Variants in CSMD1 observed in about 807,000 individuals in gnomAD.
CSMD1 encodes CUB and sushi domain-containing protein 1.
Under a neutral mutation model 417.5 loss-of-function variants are expected in CSMD1, and 213 were observed. The observed-to-expected ratio is 0.51, with a 90% CI of 0.46 to 0.57. The LOEUF is 0.57. CSMD1 is among the 20% of genes least tolerant of loss of function. The pLI, the probability that CSMD1 is intolerant of heterozygous loss-of-function variation, is 0.00. For synonymous variants in CSMD1, 2,862 were observed against 1,736.8 expected, an observed-to-expected ratio of 1.65 and a Z score of -16.11; for missense variants, 6,923 against 4,529.7, an observed-to-expected ratio of 1.53 and a Z score of -15.17.
intron 33 of CSMD1, among the ~76,000 whole-genome samples, chr8:3,197,623 G>T (rs6558732): frequency 6.6e-6 from 1 of 151,088 alleles, no homozygotes; most frequent in African/African-American, 2.4e-5. Flanking sequence ...CCGCCACCAC[G>T]CCCGGCTAAT....
chr8:3,692,290 T>C (rs529922055), intron 7 of CSMD1, among the ~76,000 whole-genome samples: 2 of 152,084 alleles, frequency 1.3e-5, no homozygotes, highest in African/African-American at 2.4e-5. Context: ...ACAATTTGTA[T>C]ACACCCCACT....
At chr8:3,682,300 AG>A in intron 7 of CSMD1, among the ~76,000 whole-genome samples, 1 of 152,320 alleles carries the variant, frequency 6.6e-6, no homozygotes, top group Non-Finnish European at 1.5e-5. Flanking sequence ...CATCTGACAA[AG>A]GGCTAATATC....
chr8:4,238,041 G>C (rs1488476114), intron 3 of CSMD1, among the ~76,000 whole-genome samples: 1 of 152,110 alleles, frequency 6.6e-6, no homozygotes, highest in East Asian at 1.9e-4. Flanking sequence ...CCAGCACGTT[G>C]CTTAGTTTTT....
chr8:3,422,179 TATTTTC>T (rs1813533925), intron 12 of CSMD1, among the ~76,000 whole-genome samples: 1 of 152,202 alleles, frequency 6.6e-6, no homozygotes, highest in South Asian at 2.1e-4. Flanking sequence ...TAGTTTCACT[TATTTTC>T]AGTCTTGTTG....
At chr8:3,280,668 A>G (rs1402317184) in intron 26 of CSMD1, among the ~76,000 whole-genome samples, 1 of 152,182 alleles carries the variant, frequency 6.6e-6, no homozygotes, top group Non-Finnish European at 1.5e-5. Flanking sequence ...TTTTACGTAT[A>G]AAAATGACAA....
chr8:4,788,973 C>A (rs546297237), intron 1 of CSMD1, among the ~76,000 whole-genome samples: 1 of 152,120 alleles, frequency 6.6e-6, no homozygotes. Flanking sequence ...TGAGATCAGA[C>A]AGCACTTAAA....
intron 3 of CSMD1, among the ~76,000 whole-genome samples, chr8:4,342,328 G>T (rs1200871097): frequency 6.6e-6 from 1 of 151,870 alleles, no homozygotes; most frequent in African/African-American, 2.4e-5. Context: ...TAAAACATAG[G>T]TATTACACAC....
At chr8:3,932,078 T>C (rs536913440) in intron 5 of CSMD1, among the ~76,000 whole-genome samples, 4 of 150,498 alleles carry the variant, frequency 2.7e-5, no homozygotes, top group Non-Finnish European at 4.4e-5. Context: ...AACATATCTA[T>C]TGGAATGACA....
At position 4,464,267 on chromosome 8, in the gene CSMD1, T is replaced by G. The variant is rs1217661; in HGVS notation, c.303-44202A>C. Among the ~76,000 whole-genome samples, 1,369 of 152,110 alleles carry G rather than the reference T, an allele frequency of 9.0e-3. 19 individuals carry two copies. The highest frequency in any genetic ancestry group is 0.031 in the African/African-American group (1,305 of 41,510). ...TTAACATCTTCCTGCAGTGATTGTA[T>G]GAAGCACAGGGCATTATTATGTATG... On this transcript the variant is annotated intron_variant, in intron 2 of 69. Coordinates refer to ENST00000635120, the MANE Select transcript of CSMD1 (RefSeq NM_033225.6).
intron 8 of CSMD1, among the ~76,000 whole-genome samples, chr8:3,608,785 C>T (rs943422063): frequency 4.8e-5 from 7 of 145,078 alleles, no homozygotes; most frequent in Admixed American, 1.4e-4. Context: ...AAAATCATAA[C>T]GTCCAGCAGT....
chr8:4,613,869 A>G (rs1190444099), intron 2 of CSMD1, among the ~76,000 whole-genome samples: 4 of 151,720 alleles, frequency 2.6e-5, no homozygotes, highest in East Asian at 1.9e-4. Flanking sequence ...CCAAAAAAAA[A>G]AAAAAAAGAA....
chr8:3,276,582 C>G lies in CSMD1; in HGVS notation c.4153+7562G>C, dbSNP rs566138078. 7.9e-5 allele frequency among the ~76,000 whole-genome samples: 12 copies of G among 152,132 alleles called. No homozygotes were observed. The East Asian group carries it at 2.3e-3, about 29-fold the overall frequency. ...TTCGATTACCTCCCACTGGGTCCCT[C>G]CCATGATACGTGGGAATTGTGGGAG... On this transcript the variant is annotated intron_variant, in intron 26 of 69. Coordinates refer to ENST00000635120, the MANE Select transcript of CSMD1 (RefSeq NM_033225.6).
At chr8:3,966,893 A>C (rs1812713696) in intron 5 of CSMD1, among the ~76,000 whole-genome samples, 1 of 152,254 alleles carries the variant, frequency 6.6e-6, no homozygotes, top group African/African-American at 2.4e-5. Flanking sequence ...TCAGATTTTC[A>C]GTATGACTTG....
At chr8:3,484,091 A>C (rs1817890366) in intron 11 of CSMD1, among the ~76,000 whole-genome samples, 1 of 152,186 alleles carries the variant, frequency 6.6e-6, no homozygotes, top group Admixed American at 6.5e-5. Flanking sequence ...TGGTACTCTC[A>C]AACTTATATA....
chr8:3,355,785 T>C (rs1347724136), intron 21 of CSMD1, among the ~76,000 whole-genome samples: 1 of 152,126 alleles, frequency 6.6e-6, no homozygotes, highest in African/African-American at 2.4e-5. Context: ...ACCAATAAAC[T>C]TTCATTTTGA....
At chr8:4,974,490 G>A (rs117950342) in intron 1 of CSMD1, among the ~76,000 whole-genome samples, 10 of 147,932 alleles carry the variant, frequency 6.8e-5, no homozygotes, top group African/African-American at 2.5e-4. Flanking sequence ...TGTTGATGGA[G>A]AATGATCATT....
intron 1 of CSMD1, among the ~76,000 whole-genome samples, chr8:4,868,096 A>C (rs953372832): frequency 2.6e-5 from 4 of 152,048 alleles, no homozygotes; most frequent in Admixed American, 2.0e-4. Flanking sequence ...ATTTAAAACG[A>C]CCTCTCACCA....
intron 23 of CSMD1, among the ~76,000 whole-genome samples, chr8:3,340,975 C>T (rs148856154): frequency 3.3e-5 from 5 of 152,186 alleles, no homozygotes; most frequent in African/African-American, 1.2e-4. Context: ...ATTTATAGAA[C>T]ATTTGTGCTA....
At chr8:4,730,208 GAAAACAAAACAAAAC>G (rs528105713) in intron 1 of CSMD1, among the ~76,000 whole-genome samples, 1 of 151,610 alleles carries the variant, frequency 6.6e-6, no homozygotes, top group East Asian at 1.9e-4. Context: ...GGAGACAGAA[GAAAACAAAACAAAAC>G]AAAACAAAAC....
Sources: allele counts gnomAD v4.1 joint callset (sites outside exome capture counted in the v4.1 genomes callset), GRCh38; gene constraint gnomAD v4.1.1; transcripts MANE v1.5; gene names NCBI Gene and HGNC (gene_info 2026-07-23, HGNC 2026-07-21).